LARGE1: variants seen among roughly 807,000 people sequenced by gnomAD.
LARGE1 encodes the protein xylosyl- and glucuronyltransferase LARGE1.
A neutral mutation model predicts 87.6 loss-of-function variants in LARGE1; 43 were observed. That is an observed-to-expected ratio of 0.49 (90% CI 0.38 to 0.63). The LOEUF is 0.63. Among genes scored for constraint, LARGE1 ranks in the 30% least tolerant of loss-of-function variants. The pLI is 0.00. For missense variants in LARGE1, 802 were observed against 1,000.2 expected (o/e 0.80, Z 2.67); for synonymous variants, 434 against 394.6 (o/e 1.10, Z -1.18).
At chr22:33,239,701 G>T (rs1035214009) in intron 11 of LARGE1, among the ~76,000 whole-genome samples, 1 of 151,634 alleles carries the variant, frequency 6.6e-6, no homozygotes, top group East Asian at 1.9e-4. Flanking sequence ...ACCGCACCTG[G>T]CTAGTTTTTG....
At chr22:33,243,693 G>A (rs1308783415) in intron 11 of LARGE1, among the ~76,000 whole-genome samples, 4 of 152,120 alleles carry the variant, frequency 2.6e-5, no homozygotes, top group Admixed American at 6.6e-5. Flanking sequence ...TCCTGAACAG[G>A]CCTTCTATGA....
chr22:33,767,164 T>C, intron 1 of LARGE1, among the ~76,000 whole-genome samples: 1 of 149,818 alleles, frequency 6.7e-6, no homozygotes, highest in African/African-American at 2.4e-5. Context: ...AAAATATAAA[T>C]AAAAAAAATC....
chr22:33,665,827 G>A (rs2081251791), intron 2 of LARGE1, among the ~76,000 whole-genome samples: 1 of 152,040 alleles, frequency 6.6e-6, no homozygotes, highest in African/African-American at 2.4e-5. Flanking sequence ...AGGAGGCGGA[G>A]CTTGCAGTGA....
chr22:33,359,644 A>T (rs1011268740), intron 9 of LARGE1, among the ~76,000 whole-genome samples: 1 of 148,372 alleles, frequency 6.7e-6, no homozygotes, highest in African/African-American at 2.5e-5. Context: ...GCTCACTGCA[A>T]GCTCCGCCTC....
intron 6 of LARGE1, among the ~76,000 whole-genome samples, chr22:33,562,294 T>C (rs933675695): frequency 2.6e-5 from 4 of 152,092 alleles, no homozygotes; most frequent in African/African-American, 7.2e-5. Context: ...AAAATTAGGG[T>C]GGGCATGGGA....
chr22:33,179,517 AG>A (rs1308754820), intron 11 of LARGE1, among the ~76,000 whole-genome samples: 1 of 152,228 alleles, frequency 6.6e-6, no homozygotes, highest in African/African-American at 2.4e-5. Context: ...TCATGACAGA[AG>A]GGCAGAGCAG....
intron 2 of LARGE1, among the ~76,000 whole-genome samples, chr22:33,659,053 T>G (rs1011064081): frequency 6.6e-6 from 1 of 152,340 alleles, no homozygotes; most frequent in East Asian, 1.9e-4. Flanking sequence ...GCATAGGGCC[T>G]GCTTTGCTCC....
chr22:33,173,883 A>G (rs1471319159), intron 11 of LARGE1, among the ~76,000 whole-genome samples: 1 of 152,152 alleles, frequency 6.6e-6, no homozygotes, highest in Non-Finnish European at 1.5e-5. Context: ...CTCCCACACA[A>G]TAATAATGGG....
intron 11 of LARGE1, among the ~76,000 whole-genome samples, chr22:33,214,432 G>T (rs1039661933): frequency 3.3e-5 from 5 of 151,960 alleles, no homozygotes; most frequent in Admixed American, 3.3e-4. Flanking sequence ...GGGCCGGGGG[G>T]AGCAAAATAT....
chr22:33,210,019 C>G (rs1269796180), intron 11 of LARGE1, among the ~76,000 whole-genome samples: 2 of 152,218 alleles, frequency 1.3e-5, no homozygotes, highest in Admixed American at 1.3e-4. Context: ...TCAGTACCCA[C>G]CCCAATCCTC....
the LARGE1 span, among the ~76,000 whole-genome samples, chr22:33,085,106 T>C: frequency 6.6e-6 from 1 of 152,122 alleles, no homozygotes; most frequent in Non-Finnish European, 1.5e-5. Flanking sequence ...CAAAACCCCG[T>C]CTCTACTAAA....
At chr22:33,354,641 G>T (rs1325299003) in intron 9 of LARGE1, among the ~76,000 whole-genome samples, 4 of 152,156 alleles carry the variant, frequency 2.6e-5, no homozygotes, top group Admixed American at 6.5e-5. Flanking sequence ...CATCAAGAGA[G>T]ACTTAAATAT....
rs900239525 is a variant in LARGE1 at position 33,564,872 on chromosome 22, A to G, written c.763T>C (p.Trp255Arg). The G allele has an allele frequency of 2.5e-6, 4 of 1,614,112 alleles. No individual in the cohort carries two copies. The Admixed American group carries it at 5.0e-5, about 20-fold the overall frequency. ...ITFATDIAEL[W>R]AVFHKFKGQQ... ...CCTTTGAACTTGTGGAACACAGCCCACAGCTCTGCAATGTCAGTGGCAAAG... is the reference window on the plus strand; with the variant it reads ...CCTTTGAACTTGTGGAACACAGCCCGCAGCTCTGCAATGTCAGTGGCAAAG... The change falls in exon 6 of 15, where the codon TGG (tryptophan) becomes CGG (arginine). Residue 255 changes from tryptophan (W) to arginine (R), a missense_variant. Physicochemically the swap from Trp to Arg is moderately radical, Grantham distance 101. Transcript: ENST00000397394.
rs2068779099 is a variant in LARGE1 at position 33,470,354 on chromosome 22, T to TTGCCAAAA, written c.788-38090_788-38089insTTTTGGCA. On this transcript the variant is annotated intron_variant, in intron 6 of 14. Coordinates refer to ENST00000397394, the MANE Select transcript of LARGE1 (RefSeq NM_133642.5). ...TCTAAAAAGGCAGACAAGCCCTCTC[T>TTGCCAAAA]TGCTGTGGCTTCAACCCTAAACTCC... 2.6e-5 allele frequency among the ~76,000 whole-genome samples: 4 copies of TTGCCAAAA among 152,360 alleles called. No homozygotes were observed. The South Asian group carries it at 8.3e-4, about 32-fold the overall frequency.
chr22:33,316,320 G>A lies in LARGE1; in HGVS notation c.1288-72C>T, dbSNP rs1313188309. The A allele has an allele frequency of 5.4e-6, 8 of 1,487,310 alleles. No individual in the cohort carries two copies. In the East Asian group the frequency reaches 1.6e-4, roughly 30 times the overall value. The allele number at this position is 1,487,310 out of a possible 1,614,324, so 92.1% of individuals were successfully genotyped here. ...GGGGGCCCATGAGCTTGCCCCTTGA[G>A]CCCTGCCCTCCCCTGAGTTTATTAC... On this transcript the variant is annotated intron_variant, in intron 10 of 14. Transcript: ENST00000397394.
chr22:33,689,859 G>A (rs2082047692), intron 2 of LARGE1, among the ~76,000 whole-genome samples: 5 of 152,150 alleles, frequency 3.3e-5, no homozygotes, highest in Non-Finnish European at 5.9e-5. Flanking sequence ...CCTGGGAGGC[G>A]GAGGTTGCAG....
intron 11 of LARGE1, among the ~76,000 whole-genome samples, chr22:33,190,976 A>G (rs146511792): frequency 6.6e-4 from 101 of 152,346 alleles, no homozygotes; most frequent in African/African-American, 2.4e-3. Context: ...GCTAAGTTTT[A>G]TCACAGCCCT....
chr22:33,312,434 G>A (rs115860325), intron 11 of LARGE1, among the ~76,000 whole-genome samples: 4,212 of 125,916 alleles, frequency 0.033, 220 homozygotes, highest in African/African-American at 0.12. Flanking sequence ...GCAAGACTCT[G>A]TCTCAAAAAA....
chr22:33,336,693 A>G (rs1938486788), intron 10 of LARGE1, among the ~76,000 whole-genome samples: 1 of 152,120 alleles, frequency 6.6e-6, no homozygotes, highest in South Asian at 2.1e-4. Flanking sequence ...ACCAGTCTCA[A>G]CGTTGCTCCT....
Sources: allele counts gnomAD v4.1 joint callset (sites outside exome capture counted in the v4.1 genomes callset), GRCh38; gene constraint gnomAD v4.1.1; transcripts MANE v1.5; gene names NCBI Gene and HGNC (gene_info 2026-07-23, HGNC 2026-07-21).